LGSN: variants seen among roughly 807,000 people sequenced by gnomAD.
LGSN encodes lengsin, lens protein with glutamine synthetase domain.
In LGSN, 21 loss-of-function variants were observed where a neutral mutation model predicts 19.5. The ratio of observed to expected loss-of-function variants is 1.07; its 90% CI spans 0.76 to 1.55. The LOEUF is 1.55. LGSN is among the 40% of genes most tolerant of loss of function. The pLI is 0.00. For synonymous variants in LGSN, 257 were observed against 215.6 expected, an observed-to-expected ratio of 1.19 and a Z score of -1.68; for missense variants, 673 against 608.5, an observed-to-expected ratio of 1.11 and a Z score of -1.12.
At chr6:63,411,276 A>G in the LGSN span, among the ~76,000 whole-genome samples, 1 of 152,178 alleles carries the variant, frequency 6.6e-6, no homozygotes. Context: ...ACATTCTCCC[A>G]GTTACTTTCA....
chr6:63,341,455 T>C, the LGSN span, among the ~76,000 whole-genome samples: 1 of 152,162 alleles, frequency 6.6e-6, no homozygotes, highest in Non-Finnish European at 1.5e-5. Flanking sequence ...CTCAGGTGCT[T>C]GTCCGTCCTG....
chr6:63,280,902 C>A lies in LGSN; in HGVS notation c.649G>T (p.Glu217Ter), dbSNP rs369924426. ...GATATAATCTTTGAATTTAAAATTT[C>A]GGGCACACCAAAAATGCAAAAATCA... Reference protein sequence around the residue: ...IYDFCIFGVPEILNSKIISFP... With the variant: ...IYDFCIFGVP The change falls in exon 4 of 4, where the codon GAA becomes TAA. Residue 217 changes from glutamate (E) to a stop codon, truncating the protein, a stop_gained. Transcript: ENST00000370657. LOFTEE classifies it low-confidence loss of function (END_TRUNC). 6.2e-7 allele frequency: 1 copy of A among 1,613,858 alleles called. No individual in the cohort carries two copies. Among genetic ancestry groups the A allele is most frequent in the Admixed American group, 1.7e-5 (1 of 60,002 alleles).
At chr6:63,411,394 A>T in the LGSN span, among the ~76,000 whole-genome samples, 1 of 152,226 alleles carries the variant, frequency 6.6e-6, no homozygotes, top group Non-Finnish European at 1.5e-5. Flanking sequence ...CTTGTGTGTC[A>T]TCTTCTTTCT....
At chr6:63,487,864 C>G in the LGSN span, among the ~76,000 whole-genome samples, 2 of 152,024 alleles carry the variant, frequency 1.3e-5, no homozygotes, top group Non-Finnish European at 2.9e-5. Context: ...ACCTGTAATT[C>G]CAGCTACTTG....
chr6:63,511,788 A>C, the LGSN span, among the ~76,000 whole-genome samples: 12 of 152,338 alleles, frequency 7.9e-5, no homozygotes, highest in African/African-American at 2.9e-4. Context: ...TCTTACTGAG[A>C]AAATGACTCT....
the LGSN span, among the ~76,000 whole-genome samples, chr6:63,345,566 C>A: frequency 6.6e-6 from 1 of 152,178 alleles, no homozygotes; most frequent in African/African-American, 2.4e-5. Flanking sequence ...CCACCAATCA[C>A]AACCATTGCA....
chr6:63,304,596 G>T (rs1301835637), intron 1 of LGSN, among the ~76,000 whole-genome samples: 2 of 152,114 alleles, frequency 1.3e-5, no homozygotes, highest in African/African-American at 4.8e-5. Context: ...CTTTTCATCT[G>T]GCTTATTCTT....
At chr6:63,309,926 A>G (rs527765374) in intron 1 of LGSN, among the ~76,000 whole-genome samples, 115 of 152,248 alleles carry the variant, frequency 7.6e-4, no homozygotes, top group Non-Finnish European at 1.4e-3. Flanking sequence ...TTATTTTTCT[A>G]TAACACAATT....
At chr6:63,325,848 G>A in the LGSN span, among the ~76,000 whole-genome samples, 2 of 152,276 alleles carry the variant, frequency 1.3e-5, no homozygotes, top group South Asian at 4.1e-4. Context: ...GCAGTAGCAA[G>A]ATTTATTGCA....
At chr6:63,342,021 A>G in the LGSN span, among the ~76,000 whole-genome samples, 2 of 152,190 alleles carry the variant, frequency 1.3e-5, no homozygotes, top group Non-Finnish European at 2.9e-5. Context: ...CAGTGACTGA[A>G]AGTTCTAGTT....
At chr6:63,319,038 A>C (rs1352847332) in intron 1 of LGSN, among the ~76,000 whole-genome samples, 1 of 152,164 alleles carries the variant, frequency 6.6e-6, no homozygotes, top group African/African-American at 2.4e-5. Context: ...TGCCTTCTTC[A>C]CATAGCCTTG....
chr6:63,487,247 G>A, the LGSN span, among the ~76,000 whole-genome samples: 7 of 152,266 alleles, frequency 4.6e-5, no homozygotes, highest in South Asian at 1.4e-3. Flanking sequence ...TGGGATTACA[G>A]GCATGAGCTA....
chr6:63,400,830 C>A, the LGSN span, among the ~76,000 whole-genome samples: 1 of 152,046 alleles, frequency 6.6e-6, no homozygotes, highest in African/African-American at 2.4e-5. Flanking sequence ...CCTGTCTCTG[C>A]TAAAAATACA....
the LGSN span, among the ~76,000 whole-genome samples, chr6:63,484,898 T>C: frequency 6.6e-6 from 1 of 152,222 alleles, no homozygotes; most frequent in Non-Finnish European, 1.5e-5. Flanking sequence ...AGTTAATGTG[T>C]CAGAATGTGG....
At chr6:63,371,985 C>T in the LGSN span, among the ~76,000 whole-genome samples, 4 of 152,170 alleles carry the variant, frequency 2.6e-5, no homozygotes, top group Non-Finnish European at 2.9e-5. Context: ...CTAATCTATG[C>T]TTATTGTCAC....
chr6:63,525,023 A>T, the LGSN span, among the ~76,000 whole-genome samples: 7 of 152,302 alleles, frequency 4.6e-5, no homozygotes, highest in Admixed American at 2.0e-4. Flanking sequence ...CCTTGTTCTA[A>T]CTTGATTCAG....
chr6:63,359,851 T>C, the LGSN span, among the ~76,000 whole-genome samples: 3 of 152,202 alleles, frequency 2.0e-5, no homozygotes, highest in Non-Finnish European at 1.5e-5. Context: ...TGCTCTGATC[T>C]GGCCTGGTGG....
the LGSN span, among the ~76,000 whole-genome samples, chr6:63,431,509 TAA>T: frequency 6.6e-6 from 1 of 152,242 alleles, no homozygotes; most frequent in South Asian, 2.1e-4. Flanking sequence ...TGAAGTCATA[TAA>T]ATATGAAGTG....
intron 1 of LGSN, among the ~76,000 whole-genome samples, chr6:63,301,416 G>A (rs965767541): frequency 1.5e-4 from 23 of 151,960 alleles, no homozygotes; most frequent in African/African-American, 5.1e-4. Context: ...CTAGTTTAGA[G>A]GTTATTTAAA....
Sources: gnomAD v4.1 joint callset for allele counts (sites outside exome capture counted in the v4.1 genomes callset) on GRCh38, gnomAD v4.1.1 for gene constraint, MANE v1.5 for transcripts, NCBI Gene and HGNC (gene_info 2026-07-23, HGNC 2026-07-21) for gene names.